The following PREX1 variants were observed in gnomAD, a reference collection of about 807,000 sequenced individuals.
The protein encoded by PREX1 is phosphatidylinositol-3,4,5-trisphosphate dependent Rac exchange factor 1, also known as phosphatidylinositol 3,4,5-trisphosphate-dependent Rac exchanger 1 protein.
A neutral mutation model predicts 198.3 loss-of-function variants in PREX1; 41 were observed. The observed-to-expected ratio is 0.21, with a 90% confidence interval of 0.16 to 0.27. The LOEUF is 0.27. Among genes scored for constraint, PREX1 ranks in the 10% least tolerant of loss-of-function variants. The pLI, the probability that PREX1 is intolerant of heterozygous loss-of-function variation, is 1.00. For synonymous variants in PREX1, 843 were observed against 887.2 expected (o/e 0.95, Z 0.89); for missense variants, 1,620 against 2,200.7 (o/e 0.74, Z 5.28).
intron 1 of PREX1, among the ~76,000 whole-genome samples, chr20:48,764,794 AAAAG>A (rs1215522946): frequency 9.0e-4 from 134 of 148,200 alleles, no homozygotes; most frequent in African/African-American, 9.4e-4. Context: ...AAAAAAAAAA[AAAAG>A]AAAGAAAGAA....
chr20:48,876,106 C>G, the PREX1 span, among the ~76,000 whole-genome samples: 1 of 152,166 alleles, frequency 6.6e-6, no homozygotes, highest in Non-Finnish European at 1.5e-5. Flanking sequence ...GCCCTTCCTC[C>G]TCTCCCTCCA....
chr20:48,665,952 G>A (rs1042314712), intron 15 of PREX1, among the ~76,000 whole-genome samples: 10 of 152,156 alleles, frequency 6.6e-5, no homozygotes, highest in South Asian at 2.1e-4. Context: ...CCTTCCTCAC[G>A]GAGGCCTTCG....
chr20:48,651,341 G>A, intron 22 of PREX1, 55 bp downstream of exon 22: 1 of 1,530,432 alleles, frequency 6.5e-7, no homozygotes, highest in South Asian at 1.3e-5. Flanking sequence ...TTTGATAAGA[G>A]AAACTGGCTT....
chr20:48,862,807 A>ATATATGAGTG, the PREX1 span, among the ~76,000 whole-genome samples: 1 of 126,712 alleles, frequency 7.9e-6, no homozygotes, highest in Admixed American at 7.9e-5. Context: ...ATATATATAT[A>ATATATGAGTG]TATATACTAA....
At chr20:48,847,594 T>G in the PREX1 span, among the ~76,000 whole-genome samples, 2 of 152,216 alleles carry the variant, frequency 1.3e-5, no homozygotes, top group Admixed American at 1.3e-4. Flanking sequence ...TAAAACACTC[T>G]TAACTTGTCA....
rs555229393 is a variant in PREX1 at position 48,795,121 on chromosome 20, C to T, written c.219+32521G>A. Among the ~76,000 whole-genome samples the T allele has an allele frequency of 1.8e-3, 270 of 152,208 alleles. 4 individuals carry two copies. Among genetic ancestry groups the T allele is most frequent in the Middle Eastern group, 6.8e-3 (2 of 294 alleles). ...GACCGGCTTACTGTCTGCCTCTTACCAGAGGGTTAGATCCATAAGGACAGG... is the reference window on the plus strand; with the variant it reads ...GACCGGCTTACTGTCTGCCTCTTACTAGAGGGTTAGATCCATAAGGACAGG... On this transcript the variant is annotated intron_variant, in intron 1 of 39. Transcript: ENST00000371941.
At chr20:48,843,856 T>C in the PREX1 span, among the ~76,000 whole-genome samples, 2 of 152,136 alleles carry the variant, frequency 1.3e-5, no homozygotes, top group Admixed American at 1.3e-4. Flanking sequence ...CCAAATCTAG[T>C]AGCTGTGACC....
chr20:48,879,407 C>G, the PREX1 span, among the ~76,000 whole-genome samples: 2,045 of 152,266 alleles, frequency 0.013, 44 homozygotes, highest in African/African-American at 0.047. Context: ...GAAATACATT[C>G]ATAATAGTTG....
At chr20:48,871,934 C>T in the PREX1 span, among the ~76,000 whole-genome samples, 9 of 151,788 alleles carry the variant, frequency 5.9e-5, no homozygotes, top group Non-Finnish European at 7.4e-5. Context: ...CTGAGGCGGG[C>T]GGATCACGAG....
chr20:48,882,931 C>CTTTTT, the PREX1 span, among the ~76,000 whole-genome samples: 2 of 123,702 alleles, frequency 1.6e-5, no homozygotes, highest in African/African-American at 3.1e-5. Flanking sequence ...TTGGGTTGTC[C>CTTTTT]TTTTTTTTTT....
intron 10 of PREX1, 59 bp from the exon 11 acceptor site, chr20:48,681,394 C>A: frequency 1.3e-6 from 2 of 1,540,448 alleles, no homozygotes; most frequent in South Asian, 2.2e-5. Flanking sequence ...CCACAGGAAT[C>A]AGCACTAAGC....
At chr20:48,681,147 G>C in intron 11 of PREX1, 88 bp downstream of exon 11, 1 of 1,126,022 alleles carries the variant, frequency 8.9e-7, no homozygotes, top group Non-Finnish European at 1.3e-6. Flanking sequence ...GAAAGGATAG[G>C]AGCTGCCTGA....
At chr20:48,771,501 G>T (rs920196768) in intron 1 of PREX1, among the ~76,000 whole-genome samples, 1 of 152,078 alleles carries the variant, frequency 6.6e-6, no homozygotes, top group Non-Finnish European at 1.5e-5. Context: ...GCCGGGCGTG[G>T]TGGCTCACGC....
the PREX1 span, among the ~76,000 whole-genome samples, chr20:48,857,320 A>C: frequency 1.3e-5 from 2 of 152,210 alleles, no homozygotes; most frequent in Non-Finnish European, 2.9e-5. Context: ...AAGTGACTAT[A>C]AACCGGTATA....
At chr20:48,777,553 G>A (rs1434596975) in intron 1 of PREX1, among the ~76,000 whole-genome samples, 5 of 152,168 alleles carry the variant, frequency 3.3e-5, no homozygotes, top group Admixed American at 6.5e-5. Flanking sequence ...GTCAGGCAGG[G>A]AGGTAAGAAC....
intron 14 of PREX1, 115 bp downstream of exon 14, chr20:48,676,078 C>A: frequency 2.0e-6 from 2 of 1,001,956 alleles, no homozygotes; most frequent in Non-Finnish European, 1.5e-6. Context: ...ATTTTATGTT[C>A]TGTGCAGTTT....
intron 25 of PREX1, 23 bp downstream of exon 25, chr20:48,649,277 G>C: frequency 6.2e-7 from 1 of 1,602,984 alleles, no homozygotes; most frequent in South Asian, 1.1e-5. Flanking sequence ...TGCTCACGCC[G>C]GACACCCCCG....
intron 5 of PREX1, among the ~76,000 whole-genome samples, chr20:48,709,840 T>G (rs1383287705): frequency 6.6e-6 from 1 of 152,234 alleles, no homozygotes; most frequent in Non-Finnish European, 1.5e-5. Context: ...AGGGTATTGT[T>G]CTGAGCACTC....
intron 38 of PREX1, 76 bp from the exon 39 acceptor site, chr20:48,627,691 G>GGGGCCCAGAAGCCCAA: frequency 6.7e-7 from 1 of 1,500,458 alleles, no homozygotes; most frequent in Non-Finnish European, 9.3e-7. Context: ...GGGTGGGGGT[G>GGGGCCCAGAAGCCCAA]GGGCCCAGAA....
Sources: gnomAD v4.1 joint callset for allele counts (sites outside exome capture counted in the v4.1 genomes callset) on GRCh38, gnomAD v4.1.1 for gene constraint, MANE v1.5 for transcripts, NCBI Gene and HGNC (gene_info 2026-07-23, HGNC 2026-07-21) for gene names.